RALYL: variants seen among roughly 807,000 people sequenced by gnomAD.
The protein encoded by RALYL is RALY RNA binding protein like.
In RALYL, 29 loss-of-function variants were observed where a neutral mutation model predicts 35.1. The observed-to-expected ratio is 0.83, with a 90% confidence interval of 0.61 to 1.13. The LOEUF (loss-of-function observed/expected upper bound fraction) is 1.13. RALYL is among the 50% of genes most tolerant of loss of function. The pLI, the probability that RALYL is intolerant of heterozygous loss-of-function variation, is 0.00. For synonymous variants in RALYL, 120 were observed against 127.6 expected, an observed-to-expected ratio of 0.94 and a Z score of 0.40; for missense variants, 359 against 360.4, an observed-to-expected ratio of 1.00 and a Z score of 0.03.
chr8:84,628,155 G>A (rs981311370), intron 2 of RALYL, among the ~76,000 whole-genome samples: 6 of 151,866 alleles, frequency 4.0e-5, no homozygotes, highest in South Asian at 2.1e-4. Context: ...GGTATTTTTC[G>A]CTCCTCTTTT....
At chr8:84,901,362 C>CA (rs538008076) in intron 8 of RALYL, among the ~76,000 whole-genome samples, 2 of 152,032 alleles carry the variant, frequency 1.3e-5, no homozygotes, top group African/African-American at 2.4e-5. Flanking sequence ...CCTCAAAAGA[C>CA]AAAAAATCGT....
chr8:84,472,474 A>G (rs1237550616), intron 1 of RALYL, among the ~76,000 whole-genome samples: 1 of 152,192 alleles, frequency 6.6e-6, no homozygotes, highest in Non-Finnish European at 1.5e-5. Flanking sequence ...TCTAGAGAAA[A>G]AGAACTATGA....
At chr8:84,775,764 A>G (rs1563577261) in intron 3 of RALYL, among the ~76,000 whole-genome samples, 1 of 152,222 alleles carries the variant, frequency 6.6e-6, no homozygotes, top group East Asian at 1.9e-4. Context: ...GGGGAAGAGT[A>G]CAAGAGTAAA....
intron 2 of RALYL, among the ~76,000 whole-genome samples, chr8:84,655,351 CAG>C (rs1829765885): frequency 6.6e-6 from 1 of 150,590 alleles, no homozygotes; most frequent in Admixed American, 6.6e-5. Context: ...TTTTTTGAGT[CAG>C]AGTCTCCCTC....
At chr8:84,658,818 G>T (rs929019521) in intron 2 of RALYL, among the ~76,000 whole-genome samples, 1 of 152,088 alleles carries the variant, frequency 6.6e-6, no homozygotes, top group African/African-American at 2.4e-5. Context: ...AGGAATTGGG[G>T]TAGGGAAAAA....
chr8:84,787,074 T>C (rs1397841791), intron 3 of RALYL, among the ~76,000 whole-genome samples: 1 of 152,182 alleles, frequency 6.6e-6, no homozygotes, highest in Admixed American at 6.5e-5. Flanking sequence ...GTTTGTTACA[T>C]AGGTATACAC....
intron 1 of RALYL, among the ~76,000 whole-genome samples, chr8:84,483,082 G>A (rs1036676564): frequency 6.6e-6 from 1 of 151,986 alleles, no homozygotes; most frequent in African/African-American, 2.4e-5. Context: ...AGATATATAA[G>A]CTGGAGAATT....
intron 1 of RALYL, among the ~76,000 whole-genome samples, chr8:84,366,292 C>A (rs911886466): frequency 2.6e-5 from 4 of 152,146 alleles, no homozygotes; most frequent in Admixed American, 2.6e-4. Context: ...AATTATTCAA[C>A]CTTTCTAGAT....
intron 2 of RALYL, among the ~76,000 whole-genome samples, chr8:84,674,377 C>T (rs1483109036): frequency 6.6e-6 from 1 of 152,238 alleles, no homozygotes; most frequent in East Asian, 1.9e-4. Context: ...CTTTCTCTTG[C>T]CTGATTGCCC....
intron 2 of RALYL, among the ~76,000 whole-genome samples, chr8:84,571,962 G>A (rs1441426708): frequency 6.6e-6 from 1 of 151,778 alleles, no homozygotes; most frequent in Non-Finnish European, 1.5e-5. Context: ...TTATTCAACT[G>A]TAGTCTGAGA....
chr8:84,387,919 G>A (rs1859619104), intron 1 of RALYL, among the ~76,000 whole-genome samples: 1 of 150,176 alleles, frequency 6.7e-6, no homozygotes, highest in African/African-American at 2.5e-5. Flanking sequence ...ATGTATACAT[G>A]TGCCATGCTG....
chr8:84,270,627 C>T (rs920750611), intron 1 of RALYL, among the ~76,000 whole-genome samples: 1 of 151,656 alleles, frequency 6.6e-6, no homozygotes, highest in Non-Finnish European at 1.5e-5. Flanking sequence ...AACATTATTA[C>T]ACAGTGTACT....
At chr8:84,422,087 C>G (rs1407160222) in intron 1 of RALYL, among the ~76,000 whole-genome samples, 1 of 151,212 alleles carries the variant, frequency 6.6e-6, no homozygotes, top group Non-Finnish European at 1.5e-5. Flanking sequence ...AGGATTCCCT[C>G]TTTTTCTATT....
intron 1 of RALYL, among the ~76,000 whole-genome samples, chr8:84,367,168 C>T (rs1204835534): frequency 5.6e-5 from 8 of 143,534 alleles, no homozygotes; most frequent in Non-Finnish European, 1.2e-4. Flanking sequence ...TGGAATCTCA[C>T]TCTGTCACCC....
intron 2 of RALYL, among the ~76,000 whole-genome samples, chr8:84,542,855 A>C (rs746844503): frequency 5.9e-5 from 9 of 152,148 alleles, no homozygotes; most frequent in Admixed American, 6.6e-5. Flanking sequence ...TCATTTAATT[A>C]ATTTGTTTGA....
chr8:84,729,276 G>T (rs1233331637), intron 2 of RALYL, among the ~76,000 whole-genome samples: 2 of 151,996 alleles, frequency 1.3e-5, no homozygotes, highest in South Asian at 2.1e-4. Flanking sequence ...CTGTCTGTTT[G>T]TCTGTTCTTG....
chr8:84,555,244 A>G (rs28578082), intron 2 of RALYL, among the ~76,000 whole-genome samples: 5,782 of 152,168 alleles, frequency 0.038, 216 homozygotes, highest in African/African-American at 0.091. Flanking sequence ...ATGCCACTGC[A>G]CTCCAACGTG....
intron 1 of RALYL, among the ~76,000 whole-genome samples, chr8:84,267,659 A>G (rs1471981325): frequency 2.0e-5 from 3 of 152,196 alleles, no homozygotes; most frequent in Non-Finnish European, 2.9e-5. Context: ...CTACCAAGAA[A>G]GCCACACCCT....
intron 6 of RALYL, among the ~76,000 whole-genome samples, chr8:84,871,691 G>A (rs1334883425): frequency 1.3e-5 from 2 of 151,886 alleles, no homozygotes; most frequent in Non-Finnish European, 2.9e-5. Context: ...TTCCTCAGAG[G>A]GATACTCTAG....
Sources: allele counts gnomAD v4.1 joint callset (sites outside exome capture counted in the v4.1 genomes callset), GRCh38; gene constraint gnomAD v4.1.1; transcripts MANE v1.5; gene names NCBI Gene and HGNC (gene_info 2026-07-23, HGNC 2026-07-21).